Variants in ATP13A1 observed in about 807,000 individuals in gnomAD.
The protein encoded by ATP13A1 is endoplasmic reticulum transmembrane helix translocase.
A neutral mutation model predicts 134.8 loss-of-function variants in ATP13A1; 55 were observed. The observed-to-expected ratio is 0.41, with a 90% CI of 0.33 to 0.51. ATP13A1 has a LOEUF of 0.51. Ranked by LOEUF, ATP13A1 falls within the 20% of genes least tolerant of loss-of-function variation. The pLI, the probability that ATP13A1 is intolerant of heterozygous loss-of-function variation, is 0.29. For synonymous variants in ATP13A1, 775 were observed against 725.1 expected, an observed-to-expected ratio of 1.07 and a Z score of -1.10; for missense variants, 1,389 against 1,652.8, an observed-to-expected ratio of 0.84 and a Z score of 2.77.
At chr19:19,650,951 C>G (rs1406435095) in intron 17 of ATP13A1, 1 of 152,298 alleles carries the variant, frequency 6.6e-6, no homozygotes, top group African/African-American at 2.4e-5. Context: ...CTATGTCTGC[C>G]TCTTCATCAA....
intron 22 of ATP13A1, chr19:19,646,617 C>G: frequency 1.9e-6 from 1 of 532,256 alleles, no homozygotes; most frequent in African/African-American, 1.9e-5. Flanking sequence ...AGATCCTGCC[C>G]TCCCTGGAGC....
intron 1 of ATP13A1, chr19:19,662,976 G>A (rs1299439956): frequency 1.8e-6 from 1 of 560,858 alleles, no homozygotes; most frequent in Admixed American, 2.9e-5. Context: ...TACCTGACCT[G>A]GGCGACGTAT....
In ATP13A1 at chr19:19,653,906, G is replaced by A. The variant is rs1315863987; in HGVS notation, c.1990-12C>T. On this transcript the variant is annotated splice_polypyrimidine_tract_variant and intron_variant, in intron 14 of 25. Transcript: ENST00000357324. The surrounding 1 kb of genome is among the most constrained non-coding windows in gnomAD (Gnocchi z 4.2). ...GGGCACTGGGAGAACTGCAGGGAATGCAGGGGGATGTCACGGGCTGCCCCG... is the reference window on the plus strand; with the variant it reads ...GGGCACTGGGAGAACTGCAGGGAATACAGGGGGATGTCACGGGCTGCCCCG... 1 of 1,567,312 alleles carries A rather than the reference G, an allele frequency of 6.4e-7. No individual in the cohort carries two copies. Among genetic ancestry groups the A allele is most frequent in the Non-Finnish European group, 8.6e-7 (1 of 1,156,678 alleles).
At chr19:19,648,454 C>T (rs567117723) in intron 19 of ATP13A1, among the ~76,000 whole-genome samples, 3 of 148,654 alleles carry the variant, frequency 2.0e-5, no homozygotes, top group South Asian at 2.1e-4. Flanking sequence ...AAAAAACCAA[C>T]GTAAGATTGA....
chr19:19,662,233 T>TGAAAAAAA, intron 1 of ATP13A1: 1 of 1,510,006 alleles, frequency 6.6e-7, no homozygotes, highest in East Asian at 2.5e-5. Flanking sequence ...ATTGGTGTCT[T>TGAAAAAAA]TCATTGTACT....
At chr19:19,648,866 A>G (rs2062005357) in intron 19 of ATP13A1, among the ~76,000 whole-genome samples, 1 of 149,556 alleles carries the variant, frequency 6.7e-6, no homozygotes, top group Non-Finnish European at 1.5e-5. Flanking sequence ...TCACACCTGT[A>G]ATCCTAGCAC....
At chr19:19,651,101 TC>T (rs1341482466) in intron 17 of ATP13A1, 2 of 144,980 alleles carry the variant, frequency 1.4e-5, no homozygotes. Flanking sequence ...TGAGCCTCTG[TC>T]CCTTCTCTAC....
chr19:19,647,776 T>G lies in ATP13A1; in HGVS notation c.2633-17A>C, dbSNP rs762252397. On this transcript the variant is annotated splice_polypyrimidine_tract_variant and intron_variant, in intron 19 of 25. Coordinates refer to ENST00000357324, the MANE Select transcript of ATP13A1 (RefSeq NM_020410.3). This position sits in a 1 kb window ranked among gnomAD's most constrained non-coding sequence, Gnocchi z 4.8. ...GCGCCACACCTGGGGGGCAGGAGGG[T>G]GTCAGACCCGGAGGAGCAGGCTCCA... The G allele has an allele frequency of 3.2e-6, 5 of 1,578,884 alleles. No individual in the cohort carries two copies. The South Asian group carries it at 5.7e-5, about 18-fold the overall frequency.
At position 19,663,258 on chromosome 19, in the gene ATP13A1, T is replaced by C. The variant is rs1026535715; in HGVS notation, c.396+13A>G. 10 of 1,570,604 alleles carry C rather than the reference T, an allele frequency of 6.4e-6. No homozygotes were observed. Among genetic ancestry groups the C allele is most frequent in the South Asian group, 1.2e-5 (1 of 85,516 alleles). On this transcript the variant is annotated intron_variant, in intron 1 of 25. Coordinates refer to ENST00000357324, the MANE Select transcript of ATP13A1 (RefSeq NM_020410.3). ...GACCGTGCTGGGGGTCGGGCTCGCG[T>C]GTACACACTTACCGGGGTGCAGGTG... is the stretch of plus-strand genomic sequence containing the variant.
chr19:19,653,150 A>G lies in ATP13A1; in HGVS notation c.2101-430T>C, dbSNP rs2062035548. 2.3e-5 allele frequency: 4 copies of G among 177,504 alleles called. No individual in the cohort carries two copies. Among genetic ancestry groups the G allele is most frequent in the South Asian group, 2.5e-4 (2 of 7,898 alleles). 11.0% of individuals were successfully genotyped at this position (177,504 alleles called of 1,614,324 possible). A position where few individuals can be genotyped will look rare whatever the true frequency, so the allele number is the denominator to read the frequency against. On this transcript the variant is annotated intron_variant, in intron 15 of 25. Transcript: ENST00000357324. This position sits in a 1 kb window ranked among gnomAD's most constrained non-coding sequence, Gnocchi z 4.2. ...GCACCAGGGGAGACGCATGATCAAG[A>G]AAGTCACAGAAATCGGAGTGCTGAG...
At chr19:19,660,778 A>G (rs1178046746) in intron 1 of ATP13A1, among the ~76,000 whole-genome samples, 2 of 149,580 alleles carry the variant, frequency 1.3e-5, no homozygotes, top group African/African-American at 5.0e-5. Context: ...ACAGAGCAGG[A>G]CTCTGTCTCA....
At chr19:19,649,446 C>T in intron 19 of ATP13A1, 121 bp downstream of exon 19, 4 of 1,051,926 alleles carry the variant, frequency 3.8e-6, no homozygotes, top group East Asian at 2.6e-5. Context: ...CACCCCCTCC[C>T]ATCCTCACAG....
chr19:19,654,192 C>G (rs1031631371), intron 13 of ATP13A1, 48 bp from the exon 14 acceptor site: 7 of 1,519,780 alleles, frequency 4.6e-6, no homozygotes, highest in Non-Finnish European at 6.2e-6. Flanking sequence ...TCCAAAGAGG[C>G]AGCCAAGCCC....
chr19:19,656,308 C>G lies in ATP13A1; in HGVS notation c.1084-125G>C. On this transcript the variant is annotated intron_variant, in intron 7 of 25. Coordinates refer to ENST00000357324, the MANE Select transcript of ATP13A1 (RefSeq NM_020410.3). The surrounding 1 kb of genome is among the most constrained non-coding windows in gnomAD (Gnocchi z 4.6). ...GGGGATCCCCACCCGACCAATACAT[C>G]CCACCCAGCTCCCAGATCCTCACCC... 7.6e-7 allele frequency: 1 copy of G among 1,316,198 alleles called. No homozygotes were observed. Among genetic ancestry groups the G allele is most frequent in the Non-Finnish European group, 1.0e-6 (1 of 965,610 alleles). The allele number at this position is 1,316,198 out of a possible 1,614,324, so 81.5% of individuals were successfully genotyped here. A position where few individuals can be genotyped will look rare whatever the true frequency, so the allele number is the denominator to read the frequency against.
In ATP13A1 at chr19:19,663,576, G is replaced by A; in HGVS notation, c.91C>T (p.Gln31Ter). ...CCGGCGGCAAGGAGCGCGCGCGGCT[G>A]CGGCCCGGGCTTGGGCTGCCCGTCA... ...RPDGQPKPGPQPRALLAAGPA... is the reference protein window; with the variant it reads ...RPDGQPKPGP Residue 31 changes from glutamine to a stop codon, truncating the protein, a stop_gained, in exon 1 of 26, where the codon CAG (glutamine) becomes TAG (stop). Transcript: ENST00000357324. LOFTEE classifies it high-confidence loss of function. The A allele has an allele frequency of 6.7e-7, 1 of 1,497,032 alleles. No individual in the cohort carries two copies. The highest frequency in any genetic ancestry group is 8.8e-7 in the Non-Finnish European group (1 of 1,132,000). 92.7% of individuals were successfully genotyped at this position (1,497,032 alleles called of 1,614,324 possible). A position where few individuals can be genotyped will look rare whatever the true frequency, so the allele number is the denominator to read the frequency against.
In ATP13A1 at chr19:19,645,595, A is replaced by C. The variant is rs1599424970; in HGVS notation, c.3504+52T>G. ...CAGCCCAGCTCAGGGTCACTGCCAT[A>C]GGAGGGACCCATCAAGCTGAGCCCC... On this transcript the variant is annotated intron_variant, in intron 25 of 25. Transcript: ENST00000357324. This position sits in a 1 kb window ranked among gnomAD's most constrained non-coding sequence, Gnocchi z 4.1. The C allele has an allele frequency of 1.3e-6, 2 of 1,561,136 alleles. No individual in the cohort carries two copies. Among genetic ancestry groups the C allele is most frequent in the East Asian group, 4.8e-5 (2 of 41,650 alleles).
chr19:19,651,771 C>A lies in ATP13A1; in HGVS notation c.2253G>T (p.Pro751=). Residue 751 remains proline (P), a synonymous_variant, in exon 17 of 26, where the codon CCG becomes CCT. Transcript: ENST00000357324. ...CCTGGGCCACGTGGCATGCAGTGAG[C>A]GGGTTGTCTCCCGTGATCATGACCA... ...HRVVMITGDN[P]LTACHVAQEL... The A allele has an allele frequency of 6.2e-7, 1 of 1,612,740 alleles. No individual in the cohort carries two copies. Among genetic ancestry groups the A allele is most frequent in the Non-Finnish European group, 8.5e-7 (1 of 1,179,328 alleles).
chr19:19,652,571 G>GTGGAGGA (rs2062031686), intron 16 of ATP13A1, 24 bp downstream of exon 16: 1 of 1,601,110 alleles, frequency 6.2e-7, no homozygotes, highest in African/African-American at 1.3e-5. Context: ...CATGCAGAGG[G>GTGGAGGA]TGGAGCCGAG....
At chr19:19,661,917 T>C (rs530492601) in intron 1 of ATP13A1, among the ~76,000 whole-genome samples, 45 of 152,366 alleles carry the variant, frequency 3.0e-4, no homozygotes, top group African/African-American at 8.9e-4. Flanking sequence ...CTATACGCTG[T>C]GATGGCCCCA....
Sources: gnomAD v4.1 joint callset for allele counts (sites outside exome capture counted in the v4.1 genomes callset) on GRCh38, gnomAD v4.1.1 for gene constraint, Gnocchi (gnomAD v3.1) non-coding constraint, MANE v1.5 for transcripts, NCBI Gene and HGNC (gene_info 2026-07-23, HGNC 2026-07-21) for gene names.